Variants in AOPEP observed in about 807,000 individuals in gnomAD.
AOPEP encodes aminopeptidase O.
Under a neutral mutation model 98.1 loss-of-function variants are expected in AOPEP, and 77 were observed. The observed-to-expected ratio is 0.78, with a 90% CI of 0.65 to 0.95. The LOEUF is 0.95. Ranked by LOEUF, AOPEP falls within the 40% of genes least tolerant of loss-of-function variation. AOPEP has a pLI of 0.00. For synonymous variants in AOPEP, 346 were observed against 365.3 expected (o/e 0.95, Z 0.60); for missense variants, 1,024 against 1,024.7 (o/e 1.00, Z 0.01).
chr9:94,928,717 T>C (rs2054781440), intron 7 of AOPEP, 186 bp downstream of exon 7: 1 of 533,398 alleles, frequency 1.9e-6, no homozygotes, highest in Admixed American at 3.6e-5. Flanking sequence ...TTGCCTTCCG[T>C]CATTTTCCTG....
chr9:94,944,887 A>G (rs1172200342), intron 7 of AOPEP, among the ~76,000 whole-genome samples: 1 of 152,224 alleles, frequency 6.6e-6, no homozygotes, highest in African/African-American at 2.4e-5. Flanking sequence ...ACTAAAAACC[A>G]CTATATGTGA....
chr9:95,021,588 A>G (rs1452562024), intron 13 of AOPEP: 1 of 152,254 alleles, frequency 6.6e-6, no homozygotes, highest in Non-Finnish European at 1.5e-5. Context: ...ACCAGCATGC[A>G]TGTGTAGCTT....
chr9:94,760,062 A>G lies in AOPEP; in HGVS notation c.279A>G (p.Glu93=). 6.2e-7 allele frequency: 1 copy of G among 1,614,202 alleles called. No homozygotes were observed. Among genetic ancestry groups the G allele is most frequent in the Non-Finnish European group, 8.5e-7 (1 of 1,180,042 alleles). ...CAAATGCAAGGACCTTCTCATCTGA[A>G]ATGGAATATAATGATTTTGCAATCT... ...PVTNARTFSS[E]MEYNDFAICS... The change falls in exon 2 of 17, where the codon GAA becomes GAG. Residue 93 remains glutamate, a synonymous_variant. Coordinates refer to ENST00000375315, the MANE Select transcript of AOPEP (RefSeq NM_001193329.3).
At position 94,924,191 on chromosome 9, in the gene AOPEP, C is replaced by T. The variant is rs1233542507; in HGVS notation, c.1554+16C>T. 2.2e-6 allele frequency: 3 copies of T among 1,341,136 alleles called. No individual in the cohort carries two copies. The highest frequency in any genetic ancestry group is 3.6e-5 in the Admixed American group (1 of 27,468). The allele number at this position is 1,341,136 out of a possible 1,614,324, so 83.1% of individuals were successfully genotyped here. On this transcript the variant is annotated intron_variant, in intron 6 of 16. Coordinates refer to ENST00000375315, the MANE Select transcript of AOPEP (RefSeq NM_001193329.3). The stretch of plus-strand genomic sequence containing the variant: ...AGCACAGCAGGTGGGTTAAAGTGAC[C>T]CTAAGTATTTCACTACCCAGAGTCA...
At chr9:94,933,012 A>G (rs1013103594) in intron 7 of AOPEP, 47 of 985,238 alleles carry the variant, frequency 4.8e-5, no homozygotes, top group Middle Eastern at 5.2e-4. Context: ...ATTATTGAAG[A>G]TGTCTTTCCC....
At chr9:94,728,239 G>GCGCGCGCGCGCGCGCA (rs113657409) in intron 1 of AOPEP, among the ~76,000 whole-genome samples, 18 of 146,512 alleles carry the variant, frequency 1.2e-4, no homozygotes, top group Non-Finnish European at 2.4e-4. Context: ...GTGCGCGCAT[G>GCGCGCGCGCGCGCGCA]CACACACACA....
At chr9:95,126,137 T>C in the AOPEP span, among the ~76,000 whole-genome samples, 2 of 152,238 alleles carry the variant, frequency 1.3e-5, no homozygotes, top group Non-Finnish European at 2.9e-5. Context: ...TTATTTTTCT[T>C]GGCTTTCTTT....
At chr9:95,033,183 A>G (rs1311351208) in intron 13 of AOPEP, among the ~76,000 whole-genome samples, 1 of 152,124 alleles carries the variant, frequency 6.6e-6, no homozygotes, top group South Asian at 2.1e-4. Context: ...GGCCAAACAG[A>G]TATAAGTCCG....
the AOPEP span, among the ~76,000 whole-genome samples, chr9:95,130,688 G>A: frequency 5.9e-5 from 9 of 152,272 alleles, no homozygotes; most frequent in Non-Finnish European, 1.3e-4. Context: ...CCGTCCCACC[G>A]TGTAGCTGTT....
At chr9:94,824,309 T>C (rs1469229322) in intron 5 of AOPEP, 3 of 152,226 alleles carry the variant, frequency 2.0e-5, no homozygotes, top group Non-Finnish European at 2.9e-5. Context: ...CCCTGCCTCT[T>C]TGGATACTCT....
intron 14 of AOPEP, 186 bp downstream of exon 14, chr9:95,060,996 T>C (rs898279176): frequency 3.8e-6 from 2 of 519,542 alleles, no homozygotes; most frequent in African/African-American, 3.8e-5. Context: ...CAGAGTATTT[T>C]GAGGTCTTAA....
At chr9:95,023,231 T>C (rs1390191139) in intron 13 of AOPEP, among the ~76,000 whole-genome samples, 1 of 152,216 alleles carries the variant, frequency 6.6e-6, no homozygotes, top group Non-Finnish European at 1.5e-5. Context: ...TGGTGTGTTA[T>C]GGGAACAGAA....
At chr9:95,035,825 T>C (rs2064767488) in intron 13 of AOPEP, among the ~76,000 whole-genome samples, 1 of 148,836 alleles carries the variant, frequency 6.7e-6, no homozygotes, top group Non-Finnish European at 1.5e-5. Context: ...CCAGCCCAGA[T>C]AATTTTTTTT....
chr9:94,881,447 TTAAAA>T (rs2047577710), intron 5 of AOPEP, among the ~76,000 whole-genome samples: 1 of 152,182 alleles, frequency 6.6e-6, no homozygotes, highest in African/African-American at 2.4e-5. Context: ...TGGTTGTGAT[TTAAAA>T]TAAAAAAGAA....
rs185305375 is a variant in AOPEP, at chr9:94,959,598, T to C, written c.1872+3583T>C. The stretch of plus-strand genomic sequence containing the variant: ...AGCTTTGTATTAACTTTGGAAATTA[T>C]TGCTTTTCCACCTGGCATATACTCA... On this transcript the variant is annotated intron_variant, in intron 9 of 16. Transcript: ENST00000375315. Among the ~76,000 whole-genome samples the C allele has an allele frequency of 5.3e-4, 80 of 152,318 alleles. 1 individual carries two copies. Among genetic ancestry groups the C allele is most frequent in the African/African-American group, 1.6e-3 (67 of 41,580 alleles).
intron 13 of AOPEP, among the ~76,000 whole-genome samples, chr9:95,032,621 C>G (rs1003734869): frequency 6.6e-6 from 1 of 152,198 alleles, no homozygotes; most frequent in African/African-American, 2.4e-5. Flanking sequence ...TTCTCCCAGG[C>G]TACTCTGCTC....
chr9:95,100,308 C>T, the AOPEP span: 3 of 232,598 alleles, frequency 1.3e-5, no homozygotes, highest in African/African-American at 6.6e-5. Context: ...CTTCTGACTG[C>T]AGCATTTCTC....
At chr9:94,860,430 CT>C (rs1357768561) in intron 5 of AOPEP, among the ~76,000 whole-genome samples, 2 of 152,020 alleles carry the variant, frequency 1.3e-5, no homozygotes, top group Non-Finnish European at 2.9e-5. Flanking sequence ...CGTGACCTGG[CT>C]TATGTTTTGA....
chr9:94,750,600 AC>A (rs1174828704), intron 1 of AOPEP, among the ~76,000 whole-genome samples: 1 of 151,894 alleles, frequency 6.6e-6, no homozygotes, highest in African/African-American at 2.4e-5. Context: ...ACAAAACAAA[AC>A]AAAACAAAAA....
Sources: gnomAD v4.1 joint callset for allele counts (sites outside exome capture counted in the v4.1 genomes callset) on GRCh38, gnomAD v4.1.1 for gene constraint, MANE v1.5 for transcripts, NCBI Gene and HGNC (gene_info 2026-07-23, HGNC 2026-07-21) for gene names.